Variants in TTLL5 observed in about 807,000 individuals in gnomAD.
The protein encoded by TTLL5 is tubulin polyglutamylase TTLL5.
Under a neutral mutation model 168.4 loss-of-function variants are expected in TTLL5, and 132 were observed. That is an observed-to-expected ratio of 0.78 (90% confidence interval 0.68 to 0.91). The LOEUF (loss-of-function observed/expected upper bound fraction) is 0.91, where lower values mean the gene tolerates loss of function less well. TTLL5 is among the 40% of genes least tolerant of loss of function. TTLL5 has a pLI of 0.00. For synonymous variants in TTLL5, 546 were observed against 558.6 expected (o/e 0.98, Z 0.32); for missense variants, 1,545 against 1,581.5 (o/e 0.98, Z 0.39).
chr14:75,749,866 T>G (rs1889842088), intron 17 of TTLL5, among the ~76,000 whole-genome samples: 1 of 152,154 alleles, frequency 6.6e-6, no homozygotes, highest in Non-Finnish European at 1.5e-5. Flanking sequence ...AAATATTAGG[T>G]GGGCTCCCTG....
At position 75,842,077 on chromosome 14, in the gene TTLL5, G is replaced by C. The variant is rs867385104; in HGVS notation, c.3327-21590G>C. Among the ~76,000 whole-genome samples the C allele has an allele frequency of 3.9e-5, 6 of 152,238 alleles. 1 individual carries two copies. In the Middle Eastern group the frequency reaches 0.017, roughly 432 times the overall value. ...GGCATCTGTAGGGAACTCCTTATACGTAGATCTTTGTGCATGTGTGTATTT... is the reference window on the plus strand; with the variant it reads ...GGCATCTGTAGGGAACTCCTTATACCTAGATCTTTGTGCATGTGTGTATTT... On this transcript the variant is annotated intron_variant, in intron 28 of 31. Coordinates refer to ENST00000298832, the MANE Select transcript of TTLL5 (RefSeq NM_015072.5).
Position 75,837,420 on chromosome 14 carries a change from A to C in TTLL5, c.3326+17259A>C, listed in dbSNP as rs533750909. The C allele has an allele frequency of 4.6e-5, 7 of 152,322 alleles. No individual in the cohort carries two copies. In the East Asian group the frequency reaches 1.2e-3, roughly 25 times the overall value. The allele number at this position is 152,322 out of a possible 1,614,324, so 9.4% of individuals were successfully genotyped here. A position where few individuals can be genotyped will look rare whatever the true frequency, so the allele number is the denominator to read the frequency against. On this transcript the variant is annotated intron_variant, in intron 28 of 31. Transcript: ENST00000298832. ...TCATTTAAAAAATTATTATTTTAAA[A>C]ATTGTGGTAAAACACAATATAAAGT...
chr14:75,924,212 C>T (rs1458643877), intron 31 of TTLL5, among the ~76,000 whole-genome samples: 2 of 151,542 alleles, frequency 1.3e-5, no homozygotes, highest in Non-Finnish European at 2.9e-5. Context: ...GGGCATTTAG[C>T]CCATTTACAT....
intron 27 of TTLL5, chr14:75,803,166 A>G (rs1406635264): frequency 6.6e-6 from 1 of 152,232 alleles, no homozygotes; most frequent in African/African-American, 2.4e-5. Context: ...TAGCTTGAAG[A>G]GGATGGATTT....
At chr14:75,942,348 C>T (rs1302090754) in intron 31 of TTLL5, among the ~76,000 whole-genome samples, 2 of 152,160 alleles carry the variant, frequency 1.3e-5, no homozygotes, top group African/African-American at 4.8e-5. Flanking sequence ...CATAGGGTAA[C>T]AGCGCTATTG....
At chr14:75,883,078 G>C (rs976563038) in intron 30 of TTLL5, among the ~76,000 whole-genome samples, 176 bp downstream of exon 30, 1 of 152,200 alleles carries the variant, frequency 6.6e-6, no homozygotes, top group African/African-American at 2.4e-5. Context: ...ATCACCCAGG[G>C]AACTACTGAA....
intron 21 of TTLL5, 68 bp downstream of exon 21, chr14:75,771,922 T>A: frequency 6.5e-7 from 1 of 1,545,606 alleles, no homozygotes; most frequent in Non-Finnish European, 8.7e-7. Context: ...TTTTTTTTTT[T>A]TTTTCCTATT....
Position 75,663,193 on chromosome 14 carries a change from C to T in TTLL5, c.44C>T (p.Ser15Phe). The change falls in exon 2 of 32, where the codon TCC becomes TTC. Residue 15 changes from serine (S) to phenylalanine (F), a missense_variant. Transcript: ENST00000298832. ...MARDLEETAS[S>F]SEDEEVISQE... is the part of the protein sequence containing the mutation. ...CGGGACCTGGAGGAAACAGCATCAT[C>T]CTCAGAGGATGAGGAGGTCATAAGT... is the stretch of plus-strand genomic sequence containing the variant. 6.2e-7 allele frequency: 1 copy of T among 1,613,500 alleles called. No individual in the cohort carries two copies. The highest frequency in any genetic ancestry group is 8.5e-7 in the Non-Finnish European group (1 of 1,179,824).
At chr14:75,807,227 C>T (rs1291230876) in intron 27 of TTLL5, among the ~76,000 whole-genome samples, 1 of 152,104 alleles carries the variant, frequency 6.6e-6, no homozygotes, top group Non-Finnish European at 1.5e-5. Context: ...GTGGGTGGAT[C>T]GCTTGAGCTC....
At chr14:75,795,594 A>G (rs1056808801) in intron 27 of TTLL5, among the ~76,000 whole-genome samples, 2 of 152,084 alleles carry the variant, frequency 1.3e-5, no homozygotes, top group Non-Finnish European at 2.9e-5. Context: ...CTTCCCCCCA[A>G]GTCCCCAAAG....
intron 18 of TTLL5, among the ~76,000 whole-genome samples, chr14:75,757,012 C>T (rs1029341740): frequency 9.2e-5 from 14 of 151,870 alleles, no homozygotes; most frequent in African/African-American, 3.4e-4. Flanking sequence ...GAGTCTCGCT[C>T]TGTTGCCCAG....
In TTLL5 at chr14:75,677,845, C is replaced by T. The variant is rs185752272; in HGVS notation, c.182-3700C>T. The stretch of plus-strand genomic sequence containing the variant: ...CGAGGTCTCGCTATGTTGCCCTGGC[C>T]GATCTTGAACTGCTGGTCTCAAGCA... On this transcript the variant is annotated intron_variant, in intron 3 of 31. Coordinates refer to ENST00000298832, the MANE Select transcript of TTLL5 (RefSeq NM_015072.5). 3.5e-3 allele frequency among the ~76,000 whole-genome samples: 528 copies of T among 151,618 alleles called. 6 individuals carry two copies. Among genetic ancestry groups the T allele is most frequent in the African/African-American group, 0.012 (505 of 41,298 alleles).
chr14:75,796,507 G>T (rs1893005014), intron 27 of TTLL5, among the ~76,000 whole-genome samples: 1 of 152,170 alleles, frequency 6.6e-6, no homozygotes, highest in Non-Finnish European at 1.5e-5. Flanking sequence ...CTAAGCCAGT[G>T]TCTAGAAGGG....
intron 5 of TTLL5, among the ~76,000 whole-genome samples, chr14:75,686,988 T>C (rs928627572): frequency 1.8e-4 from 27 of 152,220 alleles, no homozygotes; most frequent in African/African-American, 5.8e-4. Context: ...CTTTCACAGG[T>C]TCGGTTTTTA....
At chr14:75,701,776 T>A (rs73309494) in intron 7 of TTLL5, among the ~76,000 whole-genome samples, 1 of 152,328 alleles carries the variant, frequency 6.6e-6, no homozygotes, top group African/African-American at 2.4e-5. Context: ...CTGAGCTTCA[T>A]GTTTGTTGAG....
chr14:75,954,461 G>C lies in TTLL5; in HGVS notation c.*15G>C. On this transcript the variant is annotated 3_prime_UTR_variant, in exon 32 of 32. Transcript: ENST00000298832. Reference sequence around the variant, plus strand: ...CTAAAATATGAACCACAAACACACAGAGAAACAACCTGTTCACCACTCCTG... The same window carrying C: ...CTAAAATATGAACCACAAACACACACAGAAACAACCTGTTCACCACTCCTG... The C allele has an allele frequency of 1.2e-6, 2 of 1,613,658 alleles. No homozygotes were observed. The highest frequency in any genetic ancestry group is 2.2e-5 in the South Asian group (2 of 91,056).
At chr14:75,674,214 G>GT (rs1346704059) in intron 3 of TTLL5, among the ~76,000 whole-genome samples, 1 of 152,104 alleles carries the variant, frequency 6.6e-6, no homozygotes, top group Non-Finnish European at 1.5e-5. Flanking sequence ...TGAGTTTTCT[G>GT]TATCTTTCCC....
chr14:75,765,871 T>A (rs1165005203), intron 19 of TTLL5, among the ~76,000 whole-genome samples, 191 bp from the exon 20 acceptor site: 2 of 152,000 alleles, frequency 1.3e-5, no homozygotes, highest in African/African-American at 4.8e-5. Flanking sequence ...CAAAAAATGA[T>A]AATAAATGAA....
intron 6 of TTLL5, among the ~76,000 whole-genome samples, chr14:75,694,909 G>C (rs377070766): frequency 1.3e-5 from 2 of 151,986 alleles, no homozygotes; most frequent in Non-Finnish European, 2.9e-5. Flanking sequence ...GACGTATGTC[G>C]CCTCAGGACC....
Sources: gnomAD v4.1 joint callset for allele counts (sites outside exome capture counted in the v4.1 genomes callset) on GRCh38, gnomAD v4.1.1 for gene constraint, MANE v1.5 for transcripts, NCBI Gene and HGNC (gene_info 2026-07-23, HGNC 2026-07-21) for gene names.